The following MBNL3 variants were observed in gnomAD, a reference collection of about 807,000 sequenced individuals.
MBNL3 encodes muscleblind-like protein 3.
In MBNL3, 6 loss-of-function variants were observed where a neutral mutation model predicts 24.5. The observed-to-expected ratio is 0.25, with a 90% CI of 0.13 to 0.48. The LOEUF is 0.48. Among genes scored for constraint, MBNL3 ranks in the 20% least tolerant of loss-of-function variants. MBNL3 has a pLI of 0.99. For synonymous variants in MBNL3, 100 were observed against 101.7 expected, an observed-to-expected ratio of 0.98 and a Z score of 0.10; for missense variants, 230 against 293.5, an observed-to-expected ratio of 0.78 and a Z score of 1.58.
chrX:132,396,558 ATATATATTCC>A (rs1393537175), intron 3 of MBNL3, among the ~76,000 whole-genome samples: 3 of 17,872 alleles, frequency 1.7e-4, no homozygotes, highest in East Asian at 8.7e-4. Context: ...ATATATTCCT[ATATATATTCC>A]TATATATATT....
At chrX:132,423,869 C>A (rs1024074839) in intron 2 of MBNL3, among the ~76,000 whole-genome samples, 3 of 111,683 alleles carry the variant, frequency 2.7e-5, no homozygotes, top group Admixed American at 9.5e-5. Context: ...ACTCAGATAG[C>A]CTTATAAGCT....
rs1014271161 is a variant in MBNL3, at chrX:132,370,895, T to G, written c.*8771A>C. On this transcript the variant is annotated 3_prime_UTR_variant, in exon 9 of 9. Coordinates refer to ENST00000370853, the MANE Select transcript of MBNL3 (RefSeq NM_001386889.1). Reference sequence around the variant, plus strand: ...ATCTGGTTTTGCCTGTGGGTCAACTTTCTTCCAGCCAATAGAAACTCCAAG... The same window carrying G: ...ATCTGGTTTTGCCTGTGGGTCAACTGTCTTCCAGCCAATAGAAACTCCAAG... 1.8e-5 allele frequency: 2 copies of G among 111,792 alleles called. No homozygotes were observed. The highest frequency in any genetic ancestry group is 6.5e-5 in the African/African-American group (2 of 30,738). 9.2% of individuals were successfully genotyped at this position (111,792 alleles called of 1,213,427 possible).
chrX:132,396,903 TATAC>T (rs1181737532), intron 3 of MBNL3, among the ~76,000 whole-genome samples: 2 of 73,635 alleles, frequency 2.7e-5, no homozygotes, highest in African/African-American at 1.1e-4. Context: ...TATATTCATA[TATAC>T]ATATATACAT....
At chrX:132,486,363 C>T (rs985565787) in intron 1 of MBNL3, among the ~76,000 whole-genome samples, 1 of 111,867 alleles carries the variant, frequency 8.9e-6, no homozygotes, top group Admixed American at 9.4e-5. Context: ...TGTCACTGTT[C>T]CAGCATGTGT....
intron 1 of MBNL3, among the ~76,000 whole-genome samples, chrX:132,482,166 G>A (rs767330569): frequency 8.9e-6 from 1 of 112,118 alleles, no homozygotes; most frequent in African/African-American, 3.2e-5. Context: ...TTACAGCACC[G>A]TTGGGTGATG....
intron 3 of MBNL3, among the ~76,000 whole-genome samples, chrX:132,403,173 A>C (rs1055959628): frequency 1.8e-5 from 2 of 111,529 alleles, no homozygotes; most frequent in Admixed American, 9.5e-5. Flanking sequence ...CACAATAAAG[A>C]AATTTTTTTT....
chrX:132,410,282 G>C (rs1209278868), intron 2 of MBNL3, among the ~76,000 whole-genome samples: 1 of 111,922 alleles, frequency 8.9e-6, no homozygotes, highest in East Asian at 2.8e-4. Context: ...ATGAGAGTCA[G>C]AGTCTGTCAC....
At chrX:132,474,072 G>A (rs1232763557) in intron 1 of MBNL3, among the ~76,000 whole-genome samples, 2 of 111,204 alleles carry the variant, frequency 1.8e-5, no homozygotes, top group Non-Finnish European at 3.8e-5. Context: ...AAAGGGGATG[G>A]TGATTAAAAT....
At position 132,481,160 on chromosome X, in the gene MBNL3, G is replaced by C. The variant is rs372274259; in HGVS notation, c.-704+7691C>G. Among the ~76,000 whole-genome samples the C allele has an allele frequency of 2.5e-4, 28 of 112,304 alleles. No homozygotes were observed. The South Asian group carries it at 9.1e-3, about 37-fold the overall frequency. ...CAACCAGCATTTCCTGTCATTGCTTGTCACCGTTTCTGAGTGCCTCTGTCT... is the reference window on the plus strand; with the variant it reads ...CAACCAGCATTTCCTGTCATTGCTTCTCACCGTTTCTGAGTGCCTCTGTCT... On this transcript the variant is annotated intron_variant, in intron 1 of 8. Coordinates refer to ENST00000370853, the MANE Select transcript of MBNL3 (RefSeq NM_001386889.1).
chrX:132,446,209 G>T lies in MBNL3; in HGVS notation c.-703-5895C>A, dbSNP rs192757632. Among the ~76,000 whole-genome samples, 3 of 111,843 alleles carry T rather than the reference G, an allele frequency of 2.7e-5. No individual in the cohort carries two copies. In the East Asian group the frequency reaches 8.4e-4, roughly 31 times the overall value. ...CCAATCTATCATTGATGAGCATTTG[G>T]GTTGGTTCCAAGTCTTTGCTATTGT... On this transcript the variant is annotated intron_variant, in intron 1 of 8. Transcript: ENST00000370853.
chrX:132,412,116 G>A (rs1238486084), intron 2 of MBNL3, among the ~76,000 whole-genome samples: 2 of 110,657 alleles, frequency 1.8e-5, no homozygotes, highest in Non-Finnish European at 3.8e-5. Flanking sequence ...TAGACCCTGA[G>A]GAATATGTGA....
intron 2 of MBNL3, among the ~76,000 whole-genome samples, chrX:132,419,101 C>T (rs1484588557): frequency 8.9e-6 from 1 of 112,835 alleles, no homozygotes; most frequent in African/African-American, 3.2e-5. Context: ...TAGAAATAGC[C>T]TTCCATAATT....
Position 132,480,492 on chromosome X carries a change from G to A in MBNL3, c.-704+8359C>T, listed in dbSNP as rs1395790840. Among the ~76,000 whole-genome samples the A allele has an allele frequency of 3.6e-5, 4 of 111,940 alleles. No homozygotes were observed. The Admixed American group carries it at 3.8e-4, about 11-fold the overall frequency. ...CAGGGCCCTCAACTTTATTTGGCCAGTCTCTATTGGACCATCGACCTATAG... is the reference window on the plus strand; with the variant it reads ...CAGGGCCCTCAACTTTATTTGGCCAATCTCTATTGGACCATCGACCTATAG... On this transcript the variant is annotated intron_variant, in intron 1 of 8. Coordinates refer to ENST00000370853, the MANE Select transcript of MBNL3 (RefSeq NM_001386889.1).
chrX:132,381,187 A>G (rs916997655), intron 8 of MBNL3, among the ~76,000 whole-genome samples: 3 of 112,407 alleles, frequency 2.7e-5, no homozygotes, highest in Non-Finnish European at 5.6e-5. Context: ...AAAATATTGC[A>G]TATTTGCACT....
chrX:132,479,126 A>G (rs1398697726), intron 1 of MBNL3, among the ~76,000 whole-genome samples: 1 of 111,420 alleles, frequency 9.0e-6, no homozygotes, highest in African/African-American at 3.3e-5. Flanking sequence ...GTGGGTGCCC[A>G]TAATCCCAGC....
chrX:132,466,119 AT>A (rs1946869052), intron 1 of MBNL3, among the ~76,000 whole-genome samples: 1 of 112,292 alleles, frequency 8.9e-6, no homozygotes, highest in Non-Finnish European at 1.9e-5. Flanking sequence ...ACCCTTATAA[AT>A]TGATATTTGT....
In MBNL3 at chrX:132,376,370, C is replaced by T. The variant is rs1934146318; in HGVS notation, c.*3296G>A. ...CATTTATTTTAATTTAATCTTAATCCCTCTTTAAAATATACGTATGTTATG... is the reference window on the plus strand; with the variant it reads ...CATTTATTTTAATTTAATCTTAATCTCTCTTTAAAATATACGTATGTTATG... On this transcript the variant is annotated 3_prime_UTR_variant, in exon 9 of 9. Coordinates refer to ENST00000370853, the MANE Select transcript of MBNL3 (RefSeq NM_001386889.1). The T allele has an allele frequency of 9.0e-6, 1 of 110,652 alleles. No individual in the cohort carries two copies. The highest frequency in any genetic ancestry group is 9.6e-5 in the Admixed American group (1 of 10,387). The allele number at this position is 110,652 out of a possible 1,213,427, so 9.1% of individuals were successfully genotyped here.
intron 1 of MBNL3, among the ~76,000 whole-genome samples, chrX:132,487,833 T>C (rs1948088112): frequency 8.9e-6 from 1 of 112,336 alleles, no homozygotes; most frequent in African/African-American, 3.2e-5. Flanking sequence ...TCATTGTCTA[T>C]TTACCTTTCA....
In MBNL3 at chrX:132,384,662, C is replaced by G; in HGVS notation, c.958+1G>C. ...GTTGATAATTTTTGTAGAAAACCTA[C>G]CAATATTTGAAGCGGGTGCCATGCA... On this transcript the variant is annotated splice_donor_variant, in intron 7 of 8. Transcript: ENST00000370853. LOFTEE classifies it high-confidence loss of function. 1 of 1,195,892 alleles carries G rather than the reference C, an allele frequency of 8.4e-7. No individual in the cohort carries two copies. The highest frequency in any genetic ancestry group is 1.1e-6 in the Non-Finnish European group (1 of 886,267).
Sources: allele counts gnomAD v4.1 joint callset (sites outside exome capture counted in the v4.1 genomes callset), GRCh38; gene constraint gnomAD v4.1.1; transcripts MANE v1.5; gene names NCBI Gene and HGNC (gene_info 2026-07-23, HGNC 2026-07-21).